Variants in B3GALT1 observed in about 807,000 individuals in gnomAD.
B3GALT1 encodes the protein beta-1,3-galactosyltransferase 1, also known as UDP-Gal:betaGlcNAc beta 1,3-galactosyltransferase, polypeptide 1.
B3GALT1 carries 10 observed loss-of-function variants against 23.2 expected under a neutral mutation model. The observed-to-expected ratio is 0.43, with a 90% CI of 0.27 to 0.73. The LOEUF (loss-of-function observed/expected upper bound fraction) is 0.73, where lower values mean the gene tolerates loss of function less well. Ranked by LOEUF, B3GALT1 falls within the 30% of genes least tolerant of loss-of-function variation. The pLI is 0.21. For missense variants in B3GALT1, 299 were observed against 405.4 expected, an observed-to-expected ratio of 0.74 and a Z score of 2.25; for synonymous variants, 156 against 141.5, an observed-to-expected ratio of 1.10 and a Z score of -0.73.
intron 2 of B3GALT1, among the ~76,000 whole-genome samples, chr2:167,595,035 C>A (rs1170904375): frequency 6.6e-6 from 1 of 152,154 alleles, no homozygotes; most frequent in Non-Finnish European, 1.5e-5. Flanking sequence ...ATCTGTCCAT[C>A]AAGGAGCCAA....
intron 2 of B3GALT1, among the ~76,000 whole-genome samples, chr2:167,490,852 G>T (rs905896258): frequency 2.0e-5 from 3 of 152,172 alleles, no homozygotes; most frequent in African/African-American, 7.2e-5. Context: ...AAGACATTGG[G>T]TTCTAGATTT....
At chr2:167,449,186 C>G (rs1283423871) in intron 1 of B3GALT1, among the ~76,000 whole-genome samples, 1 of 152,060 alleles carries the variant, frequency 6.6e-6, no homozygotes, top group Non-Finnish European at 1.5e-5. Flanking sequence ...TTGCTTTTGG[C>G]AATATGGTCA....
intron 4 of B3GALT1, among the ~76,000 whole-genome samples, chr2:167,819,889 G>A (rs1260647796): frequency 6.6e-6 from 1 of 152,136 alleles, no homozygotes; most frequent in Non-Finnish European, 1.5e-5. Context: ...GGTTTCAGTT[G>A]ATAGTTTTCT....
chr2:167,302,562 C>T (rs185283966), intron 1 of B3GALT1, among the ~76,000 whole-genome samples: 1 of 152,170 alleles, frequency 6.6e-6, no homozygotes, highest in East Asian at 1.9e-4. Flanking sequence ...TTGCTTTTCA[C>T]ATCTTTATCT....
At chr2:167,791,889 G>GA (rs10572191) in intron 3 of B3GALT1, among the ~76,000 whole-genome samples, 183 of 139,608 alleles carry the variant, frequency 1.3e-3, no homozygotes, top group Non-Finnish European at 1.8e-3. Flanking sequence ...CCTGCTCCTA[G>GA]AAAAAAAAAA....
intron 2 of B3GALT1, among the ~76,000 whole-genome samples, chr2:167,569,994 C>T (rs1231584797): frequency 6.6e-6 from 1 of 151,802 alleles, no homozygotes; most frequent in Non-Finnish European, 1.5e-5. Flanking sequence ...GAATTTTGAA[C>T]CAGGCTTGCA....
intron 3 of B3GALT1, among the ~76,000 whole-genome samples, chr2:167,674,007 C>G (rs757174800): frequency 6.6e-6 from 1 of 152,024 alleles, no homozygotes; most frequent in Admixed American, 6.6e-5. Flanking sequence ...TTAAGCTTTG[C>G]TATTCTATTT....
chr2:167,327,430 A>G (rs1384204553), intron 1 of B3GALT1, among the ~76,000 whole-genome samples: 3 of 151,940 alleles, frequency 2.0e-5, no homozygotes, highest in Non-Finnish European at 2.9e-5. Flanking sequence ...TTCTTTCGTC[A>G]ATGTTTTATA....
Position 167,714,216 on chromosome 2 carries a change from C to T in B3GALT1, c.-352+67250C>T, listed in dbSNP as rs1239292008. On this transcript the variant is annotated intron_variant, in intron 3 of 4. Coordinates refer to ENST00000392690, the MANE Select transcript of B3GALT1 (RefSeq NM_020981.4). ...CTGTCTTCCCTTTGTGGAGGAAGAGCTGAATCAGGATATGATTGTCCTGGT... is the reference window on the plus strand; with the variant it reads ...CTGTCTTCCCTTTGTGGAGGAAGAGTTGAATCAGGATATGATTGTCCTGGT... 25 of 1,504,986 alleles carry T rather than the reference C, an allele frequency of 1.7e-5. 1 individual carries two copies. The highest frequency in any genetic ancestry group is 2.2e-5 in the Non-Finnish European group (24 of 1,082,008). 93.2% of individuals were successfully genotyped at this position (1,504,986 alleles called of 1,614,324 possible).
intron 3 of B3GALT1, among the ~76,000 whole-genome samples, chr2:167,647,675 C>T (rs539935025): frequency 6.6e-6 from 1 of 152,250 alleles, no homozygotes; most frequent in South Asian, 2.1e-4. Flanking sequence ...GGCTCTCAAA[C>T]TCAGAATGTC....
intron 3 of B3GALT1, among the ~76,000 whole-genome samples, chr2:167,802,607 T>C (rs920176784): frequency 3.3e-5 from 5 of 152,344 alleles, no homozygotes; most frequent in African/African-American, 1.2e-4. Flanking sequence ...TTCATCTTAA[T>C]ATAACCAAAT....
intron 3 of B3GALT1, among the ~76,000 whole-genome samples, chr2:167,787,429 C>T (rs910420687): frequency 7.2e-5 from 11 of 152,114 alleles, no homozygotes; most frequent in African/African-American, 1.9e-4. Context: ...AAAATGACCT[C>T]GATGCTAATG....
chr2:167,308,398 CT>C (rs980740910), intron 1 of B3GALT1, among the ~76,000 whole-genome samples: 1 of 151,988 alleles, frequency 6.6e-6, no homozygotes, highest in African/African-American at 2.4e-5. Flanking sequence ...ACTGCCCTAT[CT>C]TTCTTAGACA....
chr2:167,648,774 C>G (rs1685802488), intron 3 of B3GALT1, among the ~76,000 whole-genome samples: 1 of 152,068 alleles, frequency 6.6e-6, no homozygotes, highest in Non-Finnish European at 1.5e-5. Context: ...CCGGTAGCCC[C>G]CATTTAATTG....
chr2:167,642,667 G>A (rs1685673567), intron 2 of B3GALT1, among the ~76,000 whole-genome samples: 2 of 152,100 alleles, frequency 1.3e-5, no homozygotes, highest in African/African-American at 2.4e-5. Context: ...ACTCAGGAGA[G>A]GAGCAAGGCT....
chr2:167,770,387 T>A (rs1688053004), intron 3 of B3GALT1, among the ~76,000 whole-genome samples: 1 of 152,244 alleles, frequency 6.6e-6, no homozygotes, highest in Non-Finnish European at 1.5e-5. Context: ...CTAATGAAAT[T>A]GGGCAGTCTT....
At chr2:167,369,171 C>T (rs2105268143) in intron 1 of B3GALT1, among the ~76,000 whole-genome samples, 1 of 150,756 alleles carries the variant, frequency 6.6e-6, no homozygotes, top group East Asian at 2.0e-4. Flanking sequence ...TTTATATGTG[C>T]CCAGCTTTGC....
chr2:167,709,929 T>C (rs952001472), intron 3 of B3GALT1, among the ~76,000 whole-genome samples: 1 of 152,126 alleles, frequency 6.6e-6, no homozygotes, highest in Non-Finnish European at 1.5e-5. Context: ...ACACAAAGTG[T>C]GACACATAGC....
At chr2:167,648,417 C>G (rs1358974067) in intron 3 of B3GALT1, among the ~76,000 whole-genome samples, 2 of 152,134 alleles carry the variant, frequency 1.3e-5, no homozygotes, top group East Asian at 3.9e-4. Context: ...TTTCTCATGT[C>G]CATCTCATTA....
Sources: gnomAD v4.1 joint callset for allele counts (sites outside exome capture counted in the v4.1 genomes callset) on GRCh38, gnomAD v4.1.1 for gene constraint, MANE v1.5 for transcripts, NCBI Gene and HGNC (gene_info 2026-07-23, HGNC 2026-07-21) for gene names.